Variants in IL18RAP observed in about 807,000 individuals in gnomAD.
The protein encoded by IL18RAP is interleukin 18 receptor accessory protein, also known as interleukin-18 receptor accessory protein.
A neutral mutation model predicts 58.1 loss-of-function variants in IL18RAP; 37 were observed. The ratio of observed to expected loss-of-function variants is 0.64; its 90% CI spans 0.49 to 0.84. The LOEUF is 0.84. Ranked by LOEUF, IL18RAP falls within the 40% of genes least tolerant of loss-of-function variation. The probability of loss-of-function intolerance (pLI) is 0.00; values close to 1 mark genes in which losing one functional copy is unlikely to be tolerated. For synonymous variants in IL18RAP, 268 were observed against 257.5 expected (o/e 1.04, Z -0.39); for missense variants, 667 against 704.8 (o/e 0.95, Z 0.61).
At position 102,424,398 on chromosome 2, in the gene IL18RAP, C is replaced by T. The variant is rs139554960; in HGVS notation, c.563C>T (p.Ala188Val). Reference sequence around the variant, plus strand: ...TGCCAAAGTGATGCACAAAGTCCAGCGGTAACCTGGTACAAGGTAAGAGTG... The same window carrying T: ...TGCCAAAGTGATGCACAAAGTCCAGTGGTAACCTGGTACAAGGTAAGAGTG... Reference protein sequence around the residue: ...LSCQSDAQSPAVTWYKNGKLL... With the variant: ...LSCQSDAQSPVVTWYKNGKLL... Residue 188 changes from alanine (A) to valine (V), a missense_variant, in exon 3 of 10, where the codon GCG (alanine) becomes GTG (valine). Ala to Val is a moderately conservative substitution (Grantham distance 64, BLOSUM62 0). Transcript: ENST00000687160. 1.3e-4 allele frequency: 211 copies of T among 1,613,702 alleles called. No individual in the cohort carries two copies. The highest frequency in any genetic ancestry group is 3.7e-4 in the African/African-American group (28 of 74,996).
At chr2:102,443,906 T>C (rs1267366677) in intron 6 of IL18RAP, among the ~76,000 whole-genome samples, 1 of 152,204 alleles carries the variant, frequency 6.6e-6, no homozygotes, top group African/African-American at 2.4e-5. Flanking sequence ...AGAACCCGGA[T>C]CAGTGGTTTG....
In IL18RAP at chr2:102,447,182, C is replaced by T; in HGVS notation, c.1185C>T (p.Tyr395=). 1 of 1,614,000 alleles carries T rather than the reference C, an allele frequency of 6.2e-7. No individual in the cohort carries two copies. The highest frequency in any genetic ancestry group is 8.5e-7 in the Non-Finnish European group (1 of 1,179,930). The change falls in exon 8 of 10, where the codon TAC becomes TAT. Residue 395 remains tyrosine (Y), a synonymous_variant. Transcript: ENST00000687160. ...WIEIVLLYRT[Y]QSKDQTLGDK... ...AAATAGTGCTGCTGTACCGGACCTA[C>T]CAGAGCAAGGATCAGACGCTTGGGG...
intron 4 of IL18RAP, chr2:102,439,379 A>G (rs896721966): frequency 3.9e-5 from 6 of 152,390 alleles, no homozygotes; most frequent in Non-Finnish European, 7.3e-5. Context: ...TAAGAGGTAC[A>G]TTTAAAGGAT....
intron 5 of IL18RAP, 101 bp downstream of exon 5, chr2:102,441,478 T>C (rs1435765800): frequency 2.2e-6 from 2 of 914,276 alleles, no homozygotes; most frequent in East Asian, 2.5e-5. Context: ...TCAAACAGAA[T>C]TGGGTGTGAA....
At chr2:102,431,667 A>G (rs1035398932) in intron 3 of IL18RAP, among the ~76,000 whole-genome samples, 78 of 152,060 alleles carry the variant, frequency 5.1e-4, no homozygotes, top group Admixed American at 4.4e-3. Flanking sequence ...TCTTCTGCTT[A>G]ATCAAATCTG....
At chr2:102,441,264 C>T (rs1306745605) in intron 4 of IL18RAP, 48 bp from the exon 5 acceptor site, 1 of 1,429,344 alleles carries the variant, frequency 7.0e-7, no homozygotes. Flanking sequence ...ATCAAGCAGG[C>T]CTTCAGACTT....
At chr2:102,451,387 C>T (rs1204226273) in intron 9 of IL18RAP, among the ~76,000 whole-genome samples, 1 of 152,238 alleles carries the variant, frequency 6.6e-6, no homozygotes, top group African/African-American at 2.4e-5. Flanking sequence ...AAGCAGGCTT[C>T]TCAGGCCTGG....
chr2:102,430,564 A>T (rs1270786366), intron 3 of IL18RAP, among the ~76,000 whole-genome samples: 2 of 152,056 alleles, frequency 1.3e-5, no homozygotes, highest in Non-Finnish European at 2.9e-5. Context: ...TTATTGGTAG[A>T]TAAGCACAGG....
chr2:102,437,948 G>T (rs1339644703), intron 4 of IL18RAP, among the ~76,000 whole-genome samples: 1 of 152,058 alleles, frequency 6.6e-6, no homozygotes, highest in Non-Finnish European at 1.5e-5. Context: ...TTAAATTATT[G>T]GTTTGCCAAT....
At chr2:102,426,882 C>A (rs1369469796) in intron 3 of IL18RAP, among the ~76,000 whole-genome samples, 1 of 152,040 alleles carries the variant, frequency 6.6e-6, no homozygotes, top group Non-Finnish European at 1.5e-5. Context: ...ACTTTGTACT[C>A]TTTGACCAGT....
intron 3 of IL18RAP, chr2:102,435,375 T>C (rs1249393368): frequency 6.6e-6 from 1 of 152,214 alleles, no homozygotes; most frequent in Non-Finnish European, 1.5e-5. Context: ...GATTAAAAGC[T>C]TTGACTGGGA....
intron 8 of IL18RAP, 130 bp from the exon 9 acceptor site, chr2:102,450,718 T>A (rs1056867712): frequency 2.5e-5 from 13 of 519,810 alleles, no homozygotes; most frequent in Non-Finnish European, 4.1e-5. Flanking sequence ...ATTTTTAAAA[T>A]CAATTTAGTC....
At chr2:102,422,126 C>G (rs537819177), upstream of IL18RAP, among the ~76,000 whole-genome samples, 6 of 152,168 alleles carry the variant, frequency 3.9e-5, no homozygotes, top group Non-Finnish European at 8.8e-5. Flanking sequence ...CACCCTGAAG[C>G]TCTCCGTTAT....
chr2:102,418,763 G>A (rs1681395693), upstream of IL18RAP: 2 of 152,304 alleles, frequency 1.3e-5, no homozygotes, highest in African/African-American at 4.8e-5. Context: ...TTGAGCTGGT[G>A]TAACGTGGCT....
At chr2:102,432,767 G>C (rs1682468550) in intron 3 of IL18RAP, among the ~76,000 whole-genome samples, 1 of 152,130 alleles carries the variant, frequency 6.6e-6, no homozygotes, top group South Asian at 2.1e-4. Context: ...GAGCCTGGCT[G>C]GGTCACCATG....
intron 1 of IL18RAP, 29 bp from the exon 2 acceptor site, chr2:102,423,782 C>A: frequency 7.2e-7 from 1 of 1,397,712 alleles, no homozygotes; most frequent in Non-Finnish European, 9.7e-7. Context: ...TAATGTGTTT[C>A]CATGTGCTTT....
intron 4 of IL18RAP, 21 bp downstream of exon 4, chr2:102,437,383 A>G (rs962103069): frequency 1.2e-6 from 2 of 1,602,386 alleles, no homozygotes; most frequent in Admixed American, 1.7e-5. Flanking sequence ...TTTTTATCTC[A>G]AGATTTGAGA....
chr2:102,446,670 G>T (rs1244721829), intron 7 of IL18RAP, among the ~76,000 whole-genome samples: 1 of 152,048 alleles, frequency 6.6e-6, no homozygotes. Flanking sequence ...GCGTGGTGGC[G>T]GGCGCCTGTA....
intron 3 of IL18RAP, among the ~76,000 whole-genome samples, chr2:102,436,395 A>G (rs1573283755): frequency 6.6e-6 from 1 of 152,132 alleles, no homozygotes; most frequent in Non-Finnish European, 1.5e-5. Flanking sequence ...CATCTGGTAT[A>G]TATTTAGCCT....
Sources: gnomAD v4.1 joint callset for allele counts (sites outside exome capture counted in the v4.1 genomes callset) on GRCh38, gnomAD v4.1.1 for gene constraint, MANE v1.5 for transcripts, NCBI Gene and HGNC (gene_info 2026-07-23, HGNC 2026-07-21) for gene names.